GSTM2: variants seen among roughly 807,000 people sequenced by gnomAD.
GSTM2 encodes the protein GST class-mu 2.
A neutral mutation model predicts 33.3 loss-of-function variants in GSTM2; 33 were observed. That is an observed-to-expected ratio of 0.99 (90% CI 0.75 to 1.33). The LOEUF is 1.33. Among genes scored for constraint, GSTM2 ranks in the 40% most tolerant of loss-of-function variants. The pLI, the probability that GSTM2 is intolerant of heterozygous loss-of-function variation, is 0.00. For missense variants in GSTM2, 213 were observed against 265.8 expected, an observed-to-expected ratio of 0.80 and a Z score of 1.38; for synonymous variants, 93 against 95.6, an observed-to-expected ratio of 0.97 and a Z score of 0.16.
Position 109,669,495 on chromosome 1 carries a change from T to A in GSTM2, c.284T>A (p.Ile95Asn), listed in dbSNP as rs377523233. The change falls in exon 5 of 8, where the codon ATT becomes AAT. Residue 95 changes from isoleucine (I) to asparagine (N), a missense_variant. Transcript: ENST00000241337. Reference sequence around the variant, plus strand: ...GGCGGGGAATCAGAAAAGGAGCAGATTCGCGAAGACATTTTGGAGAACCAG... The same window carrying A: ...GGCGGGGAATCAGAAAAGGAGCAGAATCGCGAAGACATTTTGGAGAACCAG... ...NLCGESEKEQ[I>N]REDILENQFM... is the part of the protein sequence containing the mutation. 1.9e-6 allele frequency: 3 copies of A among 1,613,862 alleles called. No individual in the cohort carries two copies. In the African/African-American group the frequency reaches 4.0e-5, roughly 22 times the overall value.
chr1:109,677,778 G>A (rs1224962961), downstream of GSTM2, among the ~76,000 whole-genome samples: 1 of 152,218 alleles, frequency 6.6e-6, no homozygotes, highest in African/African-American at 2.4e-5. Context: ...CCTGTCCACT[G>A]TATGTATCTT....
chr1:109,668,619 C>A, intron 2 of GSTM2, 119 bp downstream of exon 2: 2 of 1,180,172 alleles, frequency 1.7e-6, no homozygotes, highest in South Asian at 1.2e-5. Flanking sequence ...CAGGCTGTCC[C>A]TTCCCTGAGC....
chr1:109,676,566 T>C (rs1192734439), downstream of GSTM2, among the ~76,000 whole-genome samples: 1 of 152,186 alleles, frequency 6.6e-6, no homozygotes, highest in Non-Finnish European at 1.5e-5. Context: ...TTGGCCATGC[T>C]GGTCTCGAAC....
downstream of GSTM2, among the ~76,000 whole-genome samples, chr1:109,676,085 A>G (rs759122643): frequency 1.8e-4 from 28 of 152,310 alleles, no homozygotes; most frequent in Non-Finnish European, 3.7e-4. Flanking sequence ...TGTGAGACTT[A>G]TTCACTACCG....
chr1:109,677,377 A>G (rs142895097), downstream of GSTM2, among the ~76,000 whole-genome samples: 3,791 of 152,326 alleles, frequency 0.025, 157 homozygotes, highest in African/African-American at 0.082. Flanking sequence ...TTAAATAGCC[A>G]ATAACTGAAA....
rs1414769930 is a variant in GSTM2 at position 109,671,592 on chromosome 1, C to T, written c.567+9C>T. The T allele has an allele frequency of 2.2e-6, 3 of 1,385,168 alleles. No homozygotes were observed. Among genetic ancestry groups the T allele is most frequent in the Non-Finnish European group, 3.1e-6 (3 of 970,916 alleles). 85.8% of individuals were successfully genotyped at this position (1,385,168 alleles called of 1,614,324 possible). A position where few individuals can be genotyped will look rare whatever the true frequency, so the allele number is the denominator to read the frequency against. ...TCATCTCCCGATTTGAGGTGATGCC[C>T]CCAGCCTCCTTTCTCTTTATGTCTC... On this transcript the variant is annotated intron_variant, in intron 7 of 7. Transcript: ENST00000241337.
Position 109,671,387 on chromosome 1 carries a change from TGGG to T in GSTM2, c.456+8_456+10del, listed in dbSNP as rs1269556150. On this transcript the variant is annotated splice_donor_region_variant and intron_variant, in intron 6 of 7. Transcript: ENST00000241337. ...CCATGGTTTCTTGGGGACAAGGTAA[TGGG>T]GGCGTGTGATGGGGACACCACAGAT... 1.2e-6 allele frequency: 2 copies of T among 1,606,816 alleles called. No individual in the cohort carries two copies. The highest frequency in any genetic ancestry group is 1.3e-5 in the African/African-American group (1 of 74,882).
At chr1:109,673,222 A>G in intron 7 of GSTM2, 1 of 1,611,940 alleles carries the variant, frequency 6.2e-7, no homozygotes. Flanking sequence ...CTGTGAGATG[A>G]GTAGCACGCT....
In GSTM2 at chr1:109,668,462, A is replaced by T; in HGVS notation, c.74A>T (p.Asp25Val). The T allele has an allele frequency of 6.2e-7, 1 of 1,614,094 alleles. No homozygotes were observed. Among genetic ancestry groups the T allele is most frequent in the Non-Finnish European group, 8.5e-7 (1 of 1,180,014 alleles). The change falls in exon 2 of 8, where the codon GAC (aspartate) becomes GTC (valine). Residue 25 changes from aspartate to valine, a missense_variant. Asp to Val is a radical substitution (Grantham distance 152). Transcript: ENST00000241337. ...HSIRLLLEYT[D>V]SSYEEKKYTM... ...ATCCGCCTGCTCCTGGAATACACAG[A>T]CTCAAGCTACGAGGAAAAGAAGTAC... is the stretch of plus-strand genomic sequence containing the variant.
intron 5 of GSTM2, chr1:109,670,098 G>GAAGGGA (rs113061276): frequency 1.7e-5 from 2 of 116,082 alleles, no homozygotes; most frequent in Non-Finnish European, 3.5e-5. Flanking sequence ...CGGAGGTGGG[G>GAAGGGA]GGGGAAATCC....
intron 5 of GSTM2, 135 bp downstream of exon 5, chr1:109,669,706 C>T: frequency 1.6e-6 from 1 of 634,230 alleles, no homozygotes; most frequent in South Asian, 1.9e-5. Flanking sequence ...AAGCCGCGGT[C>T]CTACACGGTG....
At chr1:109,671,213 T>C (rs1184070859) in intron 5 of GSTM2, 74 bp from the exon 6 acceptor site, 6 of 1,055,292 alleles carry the variant, frequency 5.7e-6, no homozygotes, top group Non-Finnish European at 8.9e-6. Flanking sequence ...GCTGGGGCCA[T>C]GCACAAAACT....
At chr1:109,679,360 A>G (rs111410430), downstream of GSTM2, among the ~76,000 whole-genome samples, 14 of 152,304 alleles carry the variant, frequency 9.2e-5, 1 homozygote, top group African/African-American at 3.1e-4. Context: ...AATCCCAGCT[A>G]TTCAGGAGGC....
downstream of GSTM2, among the ~76,000 whole-genome samples, chr1:109,676,078 G>T (rs1396407849): frequency 6.6e-6 from 1 of 152,184 alleles, no homozygotes; most frequent in Non-Finnish European, 1.5e-5. Context: ...CAGATCTTGT[G>T]AGACTTATTC....
intron 5 of GSTM2, chr1:109,670,564 A>T (rs889170764): frequency 6.6e-6 from 1 of 152,070 alleles, no homozygotes; most frequent in African/African-American, 2.4e-5. Context: ...GTATGAATTC[A>T]CTCTCTAGAC....
chr1:109,679,519 C>G (rs1430653850), downstream of GSTM2, among the ~76,000 whole-genome samples: 1 of 152,182 alleles, frequency 6.6e-6, no homozygotes, highest in Non-Finnish European at 1.5e-5. Flanking sequence ...TCTACCTTCA[C>G]CTTTTTTGTT....
At chr1:109,671,715 C>T (rs57809535) in intron 7 of GSTM2, 132 bp downstream of exon 7, 1 of 715,746 alleles carries the variant, frequency 1.4e-6, no homozygotes, top group Non-Finnish European at 2.6e-6. Flanking sequence ...CGCCTGTAAT[C>T]TCAGCGCTTT....
chr1:109,671,597 C>G lies in GSTM2; in HGVS notation c.567+14C>G. The G allele has an allele frequency of 7.7e-7, 1 of 1,305,614 alleles. No homozygotes were observed. Among genetic ancestry groups the G allele is most frequent in the Non-Finnish European group, 1.1e-6 (1 of 898,230 alleles). The allele number at this position is 1,305,614 out of a possible 1,614,324, so 80.9% of individuals were successfully genotyped here. A position where few individuals can be genotyped will look rare whatever the true frequency, so the allele number is the denominator to read the frequency against. Reference sequence around the variant, plus strand: ...TCCCGATTTGAGGTGATGCCCCCAGCCTCCTTTCTCTTTATGTCTCTTATT... The same window carrying G: ...TCCCGATTTGAGGTGATGCCCCCAGGCTCCTTTCTCTTTATGTCTCTTATT... On this transcript the variant is annotated intron_variant, in intron 7 of 7. Coordinates refer to ENST00000241337, the MANE Select transcript of GSTM2 (RefSeq NM_000848.4).
downstream of GSTM2, among the ~76,000 whole-genome samples, chr1:109,676,124 A>G (rs1012264114): frequency 5.3e-5 from 8 of 152,230 alleles, no homozygotes; most frequent in East Asian, 1.9e-4. Context: ...AACTGCCCCC[A>G]TGATGGAGTT....
Sources: gnomAD v4.1 joint callset for allele counts (sites outside exome capture counted in the v4.1 genomes callset) on GRCh38, gnomAD v4.1.1 for gene constraint, MANE v1.5 for transcripts, NCBI Gene and HGNC (gene_info 2026-07-23, HGNC 2026-07-21) for gene names.